EPB41L4A: variants seen among roughly 807,000 people sequenced by gnomAD.
EPB41L4A encodes the protein erythrocyte membrane protein band 4.1 like 4A.
A neutral mutation model predicts 108.6 loss-of-function variants in EPB41L4A; 100 were observed. The observed-to-expected ratio is 0.92, with a 90% CI of 0.78 to 1.09. The LOEUF is 1.09. Ranked by LOEUF, EPB41L4A falls within the 50% of genes least tolerant of loss-of-function variation. The pLI, the probability that EPB41L4A is intolerant of heterozygous loss-of-function variation, is 0.00. For synonymous variants in EPB41L4A, 319 were observed against 289.0 expected (o/e 1.10, Z -1.05); for missense variants, 1,030 against 842.7 (o/e 1.22, Z -2.75).
chr5:112,353,878 G>T (rs560297290), intron 1 of EPB41L4A, among the ~76,000 whole-genome samples: 2 of 152,270 alleles, frequency 1.3e-5, no homozygotes, highest in South Asian at 4.1e-4. Flanking sequence ...CTGCATAGTT[G>T]TGTTTGGGCA....
intron 18 of EPB41L4A, among the ~76,000 whole-genome samples, chr5:112,178,938 A>T (rs539647672): frequency 6.6e-6 from 1 of 152,004 alleles, no homozygotes; most frequent in African/African-American, 2.4e-5. Context: ...AAAAAGCAAC[A>T]AAATCTAAAA....
chr5:112,282,881 A>C (rs982208697), intron 2 of EPB41L4A, among the ~76,000 whole-genome samples: 2 of 152,126 alleles, frequency 1.3e-5, no homozygotes, highest in Non-Finnish European at 2.9e-5. Context: ...CAACCTTTGT[A>C]ATTTTTTTTC....
chr5:112,164,968 T>TAC lies in EPB41L4A; in HGVS notation c.*20_*21dup, dbSNP rs773960128. 7.1e-5 allele frequency: 114 copies of TAC among 1,598,486 alleles called. No homozygotes were observed. The highest frequency in any genetic ancestry group is 2.8e-4 in the Admixed American group (16 of 56,974). On this transcript the variant is annotated 3_prime_UTR_variant, in exon 23 of 23. Transcript: ENST00000261486. Reference sequence around the variant, plus strand: ...GTGGCGCACACAACCTTCCCACCCCTACCCTTGACCCTTCATCAGGATCAA... The same window carrying TAC: ...GTGGCGCACACAACCTTCCCACCCCTACACCCTTGACCCTTCATCAGGATCAA...
intron 1 of EPB41L4A, among the ~76,000 whole-genome samples, chr5:112,317,758 T>C (rs1755523576): frequency 6.6e-6 from 1 of 152,240 alleles, no homozygotes; most frequent in African/African-American, 2.4e-5. Context: ...TTGTTATGTT[T>C]TGGACAATAC....
intron 18 of EPB41L4A, among the ~76,000 whole-genome samples, chr5:112,178,049 A>C (rs1380220410): frequency 1.3e-5 from 2 of 152,022 alleles, no homozygotes; most frequent in African/African-American, 4.8e-5. Context: ...AATTAAAAAA[A>C]AAAAACAAAA....
At position 112,195,687 on chromosome 5, in the gene EPB41L4A, T is replaced by C; in HGVS notation, c.1398A>G (p.Glu466=). Residue 466 remains glutamate (E), a synonymous_variant, in exon 16 of 23, where the codon GAA becomes GAG. Transcript: ENST00000261486. ...VRRRKAHNSG[E]DSDLKQRRRS... Reference sequence around the variant, plus strand: ...TCCTCCTTTGCTTAAGATCTGAATCTTCACCACTGTTATGGGCTTTCCTGT... The same window carrying C: ...TCCTCCTTTGCTTAAGATCTGAATCCTCACCACTGTTATGGGCTTTCCTGT... The C allele has an allele frequency of 6.2e-7, 1 of 1,613,806 alleles. No homozygotes were observed. Among genetic ancestry groups the C allele is most frequent in the South Asian group, 1.1e-5 (1 of 91,060 alleles).
chr5:112,177,427 G>A (rs1234468691), intron 18 of EPB41L4A, among the ~76,000 whole-genome samples: 2 of 152,128 alleles, frequency 1.3e-5, no homozygotes, highest in Non-Finnish European at 2.9e-5. Context: ...TCTGGGTGAG[G>A]GTCAACTGAT....
chr5:112,376,472 C>T (rs1285151814), intron 1 of EPB41L4A, among the ~76,000 whole-genome samples: 1 of 152,172 alleles, frequency 6.6e-6, no homozygotes, highest in Non-Finnish European at 1.5e-5. Flanking sequence ...AACAGTTTGG[C>T]GGTTTCTTAA....
Position 112,221,289 on chromosome 5 carries a change from C to T in EPB41L4A, c.1088-11307G>A, listed in dbSNP as rs549042529. On this transcript the variant is annotated intron_variant, in intron 12 of 22. Transcript: ENST00000261486. ...CCGGACACTTAGAACTCTGTCAGTG[C>T]TCCACTCTATGCCACTTGATATGTC... Among the ~76,000 whole-genome samples the T allele has an allele frequency of 7.5e-4, 114 of 152,328 alleles. 2 individuals carry two copies. Among genetic ancestry groups the T allele is most frequent in the African/African-American group, 2.2e-3 (92 of 41,572 alleles).
At chr5:112,141,932 AAC>A (rs1759086621), downstream of EPB41L4A, among the ~76,000 whole-genome samples, 1 of 152,150 alleles carries the variant, frequency 6.6e-6, no homozygotes, top group Admixed American at 6.5e-5. Context: ...CTCCCCCAAC[AAC>A]ACCGTGAGAA....
At chr5:112,275,547 G>A (rs1752571541) in intron 3 of EPB41L4A, 143 bp from the exon 4 acceptor site, 1 of 1,038,182 alleles carries the variant, frequency 9.6e-7, no homozygotes, top group African/African-American at 1.6e-5. Context: ...GCAAGGTTCA[G>A]AACTGTGACG....
At chr5:112,244,113 T>C (rs1418730166) in intron 9 of EPB41L4A, among the ~76,000 whole-genome samples, 1 of 152,194 alleles carries the variant, frequency 6.6e-6, no homozygotes, top group Non-Finnish European at 1.5e-5. Context: ...CAACTATTCC[T>C]TTCAGTTGAA....
At chr5:112,165,666 CACA>C (rs1760200262) in intron 22 of EPB41L4A, among the ~76,000 whole-genome samples, 1 of 152,190 alleles carries the variant, frequency 6.6e-6, no homozygotes, top group Non-Finnish European at 1.5e-5. Flanking sequence ...GACACTAACT[CACA>C]ACTACTACTT....
chr5:112,216,371 GC>G lies in EPB41L4A; in HGVS notation c.1088-6390del, dbSNP rs1207351604. Among the ~76,000 whole-genome samples the G allele has an allele frequency of 1.4e-4, 22 of 152,100 alleles. 1 individual carries two copies. The highest frequency in any genetic ancestry group is 1.4e-3 in the Admixed American group (22 of 15,280). The stretch of plus-strand genomic sequence containing the variant: ...AAATCTTTGATGTTACTTAAATGTT[GC>G]CATTCCTTTTAATTTTTAGAGTGAG... On this transcript the variant is annotated intron_variant, in intron 12 of 22. Coordinates refer to ENST00000261486, the MANE Select transcript of EPB41L4A (RefSeq NM_022140.5).
chr5:112,362,989 G>C (rs942422750), intron 1 of EPB41L4A, among the ~76,000 whole-genome samples: 2 of 151,832 alleles, frequency 1.3e-5, no homozygotes, highest in African/African-American at 4.8e-5. Context: ...CCCTGCCCTT[G>C]AAATCTATTA....
downstream of EPB41L4A, chr5:112,158,378 T>G (rs1759722653): frequency 5.2e-6 from 2 of 386,028 alleles, no homozygotes; most frequent in Non-Finnish European, 1.0e-5. Context: ...CTAACCCATA[T>G]AGTACATGTG....
At chr5:112,208,630 C>A (rs1410544722) in intron 13 of EPB41L4A, among the ~76,000 whole-genome samples, 1 of 152,160 alleles carries the variant, frequency 6.6e-6, no homozygotes, top group Admixed American at 6.5e-5. Flanking sequence ...GTGCTCACTA[C>A]CTGAGTGATG....
Position 112,360,509 on chromosome 5 carries a change from G to A in EPB41L4A, c.100-53019C>T, listed in dbSNP as rs534844177. On this transcript the variant is annotated intron_variant, in intron 1 of 22. Transcript: ENST00000261486. The stretch of plus-strand genomic sequence containing the variant: ...GGGCTGGTCTCCAGCTCCTGACCGC[G>A]AGTGATCTGCCAGCCTCGGCCTCCC... Among the ~76,000 whole-genome samples the A allele has an allele frequency of 4.3e-3, 662 of 152,234 alleles. 8 individuals carry two copies. Among genetic ancestry groups the A allele is most frequent in the African/African-American group, 0.015 (627 of 41,518 alleles).
intron 1 of EPB41L4A, among the ~76,000 whole-genome samples, chr5:112,313,459 C>T (rs753961207): frequency 3.9e-5 from 6 of 152,188 alleles, no homozygotes; most frequent in Non-Finnish European, 5.9e-5. Flanking sequence ...GGCGTAGTGG[C>T]GCGCGCCTGT....
Sources: gnomAD v4.1 joint callset for allele counts (sites outside exome capture counted in the v4.1 genomes callset) on GRCh38, gnomAD v4.1.1 for gene constraint, MANE v1.5 for transcripts, NCBI Gene and HGNC (gene_info 2026-07-23, HGNC 2026-07-21) for gene names.